ZNF892: variants seen among roughly 807,000 people sequenced by gnomAD.
The protein encoded by ZNF892 is zinc finger protein 570-like.
chr2:95,222,854 A>T, the ZNF892 span, among the ~76,000 whole-genome samples: 1 of 152,060 alleles, frequency 6.6e-6, no homozygotes, highest in African/African-American at 2.4e-5. Flanking sequence ...TGTTTAGGAA[A>T]TTTTTCTTCT....
At chr2:95,263,020 G>C in the ZNF892 span, among the ~76,000 whole-genome samples, 1 of 152,188 alleles carries the variant, frequency 6.6e-6, no homozygotes, top group South Asian at 2.1e-4. Flanking sequence ...ATGTAATTAT[G>C]GTTACTAACC....
chr2:95,207,524 T>G, the ZNF892 span: 1 of 323,886 alleles, frequency 3.1e-6, no homozygotes, highest in East Asian at 4.8e-5. Context: ...GAGTGGTAGT[T>G]CGGCCTCATG....
chr2:95,213,445 T>C, the ZNF892 span, among the ~76,000 whole-genome samples: 14 of 152,332 alleles, frequency 9.2e-5, no homozygotes, highest in African/African-American at 3.4e-4. Flanking sequence ...TAAACATTTT[T>C]AGCAATGAAG....
the ZNF892 span, among the ~76,000 whole-genome samples, chr2:95,234,483 G>C: frequency 6.6e-6 from 1 of 152,162 alleles, no homozygotes; most frequent in African/African-American, 2.4e-5. Context: ...CTGGACGGAC[G>C]GGCCTGGCAG....
At chr2:95,263,034 A>G in the ZNF892 span, among the ~76,000 whole-genome samples, 1 of 152,252 alleles carries the variant, frequency 6.6e-6, no homozygotes, top group Non-Finnish European at 1.5e-5. Flanking sequence ...ACTAACCAGC[A>G]GACTTTAAGG....
the ZNF892 span, among the ~76,000 whole-genome samples, chr2:95,238,217 T>C: frequency 1.3e-5 from 2 of 152,220 alleles, no homozygotes; most frequent in Admixed American, 6.5e-5. Flanking sequence ...AGCCTGACTC[T>C]CTTGTTAGGG....
the ZNF892 span, among the ~76,000 whole-genome samples, chr2:95,217,377 C>G: frequency 6.6e-6 from 1 of 152,178 alleles, no homozygotes; most frequent in Admixed American, 6.5e-5. Context: ...GAATTTATGT[C>G]CTTCTGTGCA....
the ZNF892 span, among the ~76,000 whole-genome samples, chr2:95,253,638 G>T: frequency 4.8e-3 from 732 of 152,276 alleles, 8 homozygotes; most frequent in African/African-American, 0.017. Context: ...TTGGTAGCTT[G>T]ATGGGGATGG....
At chr2:95,250,198 T>A in the ZNF892 span, among the ~76,000 whole-genome samples, 10 of 152,250 alleles carry the variant, frequency 6.6e-5, no homozygotes, top group Admixed American at 5.9e-4. Flanking sequence ...AAGCAATCTA[T>A]TTTTATTGTG....
the ZNF892 span, among the ~76,000 whole-genome samples, chr2:95,218,913 A>G: frequency 6.6e-6 from 1 of 152,174 alleles, no homozygotes; most frequent in East Asian, 1.9e-4. Flanking sequence ...AAATATAGTC[A>G]CATTGAGGGT....
the ZNF892 span, among the ~76,000 whole-genome samples, chr2:95,251,957 T>C: frequency 1.3e-5 from 2 of 152,206 alleles, no homozygotes; most frequent in South Asian, 2.1e-4. Context: ...TACAAATGTT[T>C]TCCTCCTTCC....
At chr2:95,230,512 T>G in the ZNF892 span, among the ~76,000 whole-genome samples, 2 of 152,246 alleles carry the variant, frequency 1.3e-5, no homozygotes, top group Admixed American at 1.3e-4. Flanking sequence ...GTTTTTAAGT[T>G]GCTTTGCGGA....
chr2:95,260,222 T>G, the ZNF892 span, among the ~76,000 whole-genome samples: 1 of 152,226 alleles, frequency 6.6e-6, no homozygotes. Flanking sequence ...ACTTCATTTC[T>G]GCATCTGTAC....
At chr2:95,257,562 C>T in the ZNF892 span, among the ~76,000 whole-genome samples, 21 of 152,338 alleles carry the variant, frequency 1.4e-4, no homozygotes, top group South Asian at 4.3e-3. Flanking sequence ...GGATCTCCAG[C>T]TGCATGCTGG....
At chr2:95,215,655 A>T in the ZNF892 span, 1 of 398,220 alleles carries the variant, frequency 2.5e-6, no homozygotes, top group Admixed American at 4.4e-5. Context: ...CATTTACCAT[A>T]CTTGCTGTGG....
chr2:95,220,348 C>CT, the ZNF892 span, among the ~76,000 whole-genome samples: 296 of 128,428 alleles, frequency 2.3e-3, 3 homozygotes, highest in South Asian at 0.023. Flanking sequence ...TTTCTTGGGG[C>CT]TTTTTTTTTT....
the ZNF892 span, among the ~76,000 whole-genome samples, chr2:95,238,136 GGAA>G: frequency 6.6e-6 from 1 of 152,210 alleles, no homozygotes; most frequent in African/African-American, 2.4e-5. Flanking sequence ...GCTTTTTATT[GGAA>G]GAAGATGCCA....
At chr2:95,237,299 C>G in the ZNF892 span, among the ~76,000 whole-genome samples, 1 of 152,072 alleles carries the variant, frequency 6.6e-6, no homozygotes, top group South Asian at 2.1e-4. Context: ...AGGTGCCCAC[C>G]ACCATGCCTG....
the ZNF892 span, among the ~76,000 whole-genome samples, chr2:95,258,454 A>G: frequency 6.6e-6 from 1 of 152,186 alleles, no homozygotes; most frequent in Admixed American, 6.5e-5. Context: ...AGGGTGCCAA[A>G]TAAGGAACAG....
Sources: allele counts gnomAD v4.1 joint callset (sites outside exome capture counted in the v4.1 genomes callset), GRCh38; gene constraint gnomAD v4.1.1; transcripts MANE v1.5; gene names NCBI Gene and HGNC (gene_info 2026-07-23, HGNC 2026-07-21).